The following GPNMB variants were observed in gnomAD, a reference collection of about 807,000 sequenced individuals.
GPNMB encodes the protein glycoprotein nmb.
In GPNMB, 71 loss-of-function variants were observed where a neutral mutation model predicts 57.3. The observed-to-expected ratio is 1.24, with a 90% confidence interval of 1.02 to 1.51. The LOEUF (loss-of-function observed/expected upper bound fraction) is 1.51. Ranked by LOEUF, GPNMB falls within the 40% of genes most tolerant of loss-of-function variation. The pLI is 0.00. For missense variants in GPNMB, 677 were observed against 691.9 expected (o/e 0.98, Z 0.24); for synonymous variants, 253 against 263.2 (o/e 0.96, Z 0.38).
Position 23,260,713 on chromosome 7 carries a change from C to T in GPNMB, c.958C>T (p.Pro320Ser). Residue 320 changes from proline (P) to serine (S), a missense_variant, in exon 6 of 11, where the codon CCA (proline) becomes TCA (serine). Transcript: ENST00000258733. ...TAACCTCACTGTGAAAGCTGCAGCA[C>T]CAGGACCTTGTCCGCCACCGCCACC... ...SLNLTVKAAA[P>S]GPCPPPPPPP... 6.2e-7 allele frequency: 1 copy of T among 1,602,144 alleles called. No individual in the cohort carries two copies. The highest frequency in any genetic ancestry group is 8.5e-7 in the Non-Finnish European group (1 of 1,171,700).
At chr7:23,259,040 G>A (rs897784025) in intron 4 of GPNMB, among the ~76,000 whole-genome samples, 22 of 152,234 alleles carry the variant, frequency 1.4e-4, no homozygotes, top group African/African-American at 5.3e-4. Flanking sequence ...GAGCCCTGAA[G>A]GAGAGGAATT....
At chr7:23,268,116 A>G (rs1309419175) in intron 8 of GPNMB, 128 bp downstream of exon 8, 1 of 652,530 alleles carries the variant, frequency 1.5e-6, no homozygotes, top group Admixed American at 2.7e-5. Context: ...ATTCCTATTT[A>G]CTGGTAACCC....
At chr7:23,261,286 G>C (rs1782916442) in intron 6 of GPNMB, among the ~76,000 whole-genome samples, 1 of 152,092 alleles carries the variant, frequency 6.6e-6, no homozygotes, top group South Asian at 2.1e-4. Context: ...AGTATGTCTG[G>C]GTTAGCAAGC....
At chr7:23,267,070 CAG>C (rs1783082330) in intron 7 of GPNMB, among the ~76,000 whole-genome samples, 2 of 152,234 alleles carry the variant, frequency 1.3e-5, no homozygotes, top group Admixed American at 6.5e-5. Flanking sequence ...ACAGAGAAGA[CAG>C]AGGGGAACTG....
chr7:23,246,832 A>G lies in GPNMB; in HGVS notation c.-26A>G. 6.3e-7 allele frequency: 1 copy of G among 1,580,370 alleles called. No homozygotes were observed. The highest frequency in any genetic ancestry group is 8.7e-7 in the Non-Finnish European group (1 of 1,149,228). On this transcript the variant is annotated 5_prime_UTR_variant, in exon 1 of 11. Coordinates refer to ENST00000258733, the MANE Select transcript of GPNMB (RefSeq NM_002510.3). ...CAGAGGAATTCAGAGTTAAACCTTG[A>G]GTGCCTGCGTCCGTGAGAATTCAGC...
intron 1 of GPNMB, among the ~76,000 whole-genome samples, chr7:23,252,897 C>T (rs546039156): frequency 4.6e-5 from 7 of 152,052 alleles, no homozygotes; most frequent in South Asian, 4.1e-4. Flanking sequence ...CGCTTGGAAT[C>T]TTGAAGGCAT....
rs547084688 is a variant in GPNMB at position 23,264,257 on chromosome 7, G to C, written c.1019-2260G>C. Among the ~76,000 whole-genome samples, 9 of 152,274 alleles carry C rather than the reference G, an allele frequency of 5.9e-5. No individual in the cohort carries two copies. In the South Asian group the frequency reaches 1.9e-3, roughly 32 times the overall value. On this transcript the variant is annotated intron_variant, in intron 6 of 10. Coordinates refer to ENST00000258733, the MANE Select transcript of GPNMB (RefSeq NM_002510.3). Reference sequence around the variant, plus strand: ...ACATAAATACCAAATTAAGGATGAAGTTGACCTTCTTTCTCATCTGTCTTT... The same window carrying C: ...ACATAAATACCAAATTAAGGATGAACTTGACCTTCTTTCTCATCTGTCTTT...
In GPNMB at chr7:23,256,911, T is replaced by C; in HGVS notation, c.387T>C (p.Asp129=). ...GTTTAGAGGCTGGTTTATCTGCTGA[T>C]CCGTATGTTTACAACTGGACAGCAT... is the stretch of plus-strand genomic sequence containing the variant. ...NCRNEAGLSA[D]PYVYNWTAWS... The change falls in exon 4 of 11, where the codon GAT becomes GAC. Residue 129 remains aspartate, a synonymous_variant. Transcript: ENST00000258733. The C allele has an allele frequency of 6.2e-7, 1 of 1,614,138 alleles. No homozygotes were observed.
At chr7:23,264,276 TG>T (rs1333413381) in intron 6 of GPNMB, among the ~76,000 whole-genome samples, 1 of 152,230 alleles carries the variant, frequency 6.6e-6, no homozygotes, top group Non-Finnish European at 1.5e-5. Flanking sequence ...CTTTCTCATC[TG>T]TCTTTTAAGG....
chr7:23,247,054 C>T lies in GPNMB; in HGVS notation c.70+127C>T, dbSNP rs1269281656. The T allele has an allele frequency of 1.6e-5, 12 of 739,906 alleles. No homozygotes were observed. In the East Asian group the frequency reaches 2.8e-4, roughly 17 times the overall value. The allele number at this position is 739,906 out of a possible 1,614,324, so 45.8% of individuals were successfully genotyped here. On this transcript the variant is annotated intron_variant, in intron 1 of 10. Coordinates refer to ENST00000258733, the MANE Select transcript of GPNMB (RefSeq NM_002510.3). ...AGGAAGCTTTCATCTCTGGCTCACT[C>T]ATCTCTTCTTCTGCAAACTGTTGGG...
chr7:23,256,943 A>C lies in GPNMB; in HGVS notation c.419A>C (p.Glu140Ala), dbSNP rs1009691008. ...GTTTACAACTGGACAGCATGGTCAGAGGACAGTGACGGGGAAAATGGCACC... is the reference window on the plus strand; with the variant it reads ...GTTTACAACTGGACAGCATGGTCAGCGGACAGTGACGGGGAAAATGGCACC... Reference protein sequence around the residue: ...PYVYNWTAWSEDSDGENGTGQ... With the variant: ...PYVYNWTAWSADSDGENGTGQ... The change falls in exon 4 of 11, where the codon GAG becomes GCG. Residue 140 changes from glutamate (E) to alanine (A), a missense_variant. Transcript: ENST00000258733. 1 of 1,614,104 alleles carries C rather than the reference A, an allele frequency of 6.2e-7. No individual in the cohort carries two copies. The highest frequency in any genetic ancestry group is 1.3e-5 in the African/African-American group (1 of 74,954).
At chr7:23,267,228 T>C (rs73277858) in intron 7 of GPNMB, among the ~76,000 whole-genome samples, 8,822 of 152,242 alleles carry the variant, frequency 0.058, 771 homozygotes, top group African/African-American at 0.2. Flanking sequence ...CCTGAAACAC[T>C]TTCCAAGATG....
chr7:23,259,890 T>C, intron 4 of GPNMB, 90 bp from the exon 5 acceptor site: 1 of 1,233,568 alleles, frequency 8.1e-7, no homozygotes, highest in South Asian at 1.3e-5. Context: ...CAGAGCAATC[T>C]ATAAATGGTG....
intron 3 of GPNMB, 71 bp downstream of exon 3, chr7:23,254,383 G>A (rs1782730238): frequency 1.6e-6 from 2 of 1,247,680 alleles, no homozygotes; most frequent in Admixed American, 1.8e-5. Context: ...AGGTGCTTCT[G>A]TAAGTGCCAG....
rs112030881 is a variant in GPNMB at position 23,259,537 on chromosome 7, T to C, written c.542-443T>C. Among the ~76,000 whole-genome samples the C allele has an allele frequency of 4.5e-3, 682 of 152,286 alleles. 5 individuals carry two copies. Among genetic ancestry groups the C allele is most frequent in the African/African-American group, 0.015 (637 of 41,562 alleles). On this transcript the variant is annotated intron_variant, in intron 4 of 10. Coordinates refer to ENST00000258733, the MANE Select transcript of GPNMB (RefSeq NM_002510.3). ...TAGGAGATGGAGGATTCCAGTCCCC[T>C]TTTAAAAATCCACTTAATAATATAG...
chr7:23,274,159 T>A lies in GPNMB; in HGVS notation c.1618T>A (p.Phe540Ile). ...CTTTCTCAACCGTGCAAAAGCCGTGTTCTTCCCGGGAAACCAGGAAAAGGA... is the reference window on the plus strand; with the variant it reads ...CTTTCTCAACCGTGCAAAAGCCGTGATCTTCCCGGGAAACCAGGAAAAGGA... ...SVFLNRAKAV[F>I]FPGNQEKDPL... The change falls in exon 11 of 11, where the codon TTC becomes ATC. Residue 540 changes from phenylalanine to isoleucine, a missense_variant. Transcript: ENST00000258733. 6.2e-7 allele frequency: 1 copy of A among 1,614,004 alleles called. No individual in the cohort carries two copies. The highest frequency in any genetic ancestry group is 1.1e-5 in the South Asian group (1 of 91,074).
chr7:23,271,521 C>T (rs1033636096), intron 9 of GPNMB, among the ~76,000 whole-genome samples: 4 of 152,130 alleles, frequency 2.6e-5, no homozygotes, highest in South Asian at 2.1e-4. Flanking sequence ...TCCAGCTGGG[C>T]GCGGTGGCTC....
chr7:23,267,961 T>G lies in GPNMB; in HGVS notation c.1193T>G (p.Ile398Arg), dbSNP rs1390457982. ...MPVPWPESSL[I>R]DFVVTCQGSI... ...GTGCCATGGCCTGAAAGCTCCCTAA[T>G]AGACTTTGTCGTGACCTGCCAAGGG... The change falls in exon 8 of 11, where the codon ATA becomes AGA. Residue 398 changes from isoleucine to arginine, a missense_variant. Physicochemically the swap from Ile to Arg is moderately conservative, Grantham distance 97. Transcript: ENST00000258733. 1 of 1,613,106 alleles carries G rather than the reference T, an allele frequency of 6.2e-7. No homozygotes were observed. The highest frequency in any genetic ancestry group is 1.7e-5 in the Admixed American group (1 of 60,000).
intron 9 of GPNMB, among the ~76,000 whole-genome samples, chr7:23,272,306 G>T (rs1057484543): frequency 6.6e-6 from 1 of 152,116 alleles, no homozygotes; most frequent in African/African-American, 2.4e-5. Flanking sequence ...CTTTAGGTGG[G>T]ACCTGAGTCA....
Sources: gnomAD v4.1 joint callset for allele counts (sites outside exome capture counted in the v4.1 genomes callset) on GRCh38, gnomAD v4.1.1 for gene constraint, MANE v1.5 for transcripts, NCBI Gene and HGNC (gene_info 2026-07-23, HGNC 2026-07-21) for gene names.